Variants in USP49 observed in about 807,000 individuals in gnomAD.
USP49 encodes the protein ubiquitin specific peptidase 49.
Under a neutral mutation model 58.6 loss-of-function variants are expected in USP49, and 24 were observed. The observed-to-expected ratio is 0.41, with a 90% CI of 0.30 to 0.58. The LOEUF (loss-of-function observed/expected upper bound fraction) is 0.58. Among genes scored for constraint, USP49 ranks in the 20% least tolerant of loss-of-function variants. The pLI, the probability that USP49 is intolerant of heterozygous loss-of-function variation, is 0.30. For synonymous variants in USP49, 408 were observed against 365.1 expected, an observed-to-expected ratio of 1.12 and a Z score of -1.34; for missense variants, 703 against 866.1, an observed-to-expected ratio of 0.81 and a Z score of 2.36.
At chr6:41,801,134 A>C (rs1772989644) in intron 5 of USP49, among the ~76,000 whole-genome samples, 1 of 152,256 alleles carries the variant, frequency 6.6e-6, no homozygotes, top group African/African-American at 2.4e-5. Context: ...CAAATAAATA[A>C]TGGAAATAGA....
chr6:41,845,762 T>C (rs1413543650), intron 3 of USP49, among the ~76,000 whole-genome samples: 2 of 151,266 alleles, frequency 1.3e-5, no homozygotes, highest in Non-Finnish European at 3.0e-5. Context: ...ATTTTTTTTT[T>C]CCAGAACTAC....
intron 3 of USP49, among the ~76,000 whole-genome samples, chr6:41,837,821 A>C (rs938584830): frequency 3.9e-5 from 6 of 152,270 alleles, no homozygotes; most frequent in Non-Finnish European, 7.3e-5. Flanking sequence ...TTTCAAAAGA[A>C]GACATATGGT....
chr6:41,844,091 T>C (rs1426552455), intron 3 of USP49, among the ~76,000 whole-genome samples: 2 of 151,592 alleles, frequency 1.3e-5, no homozygotes, highest in East Asian at 3.9e-4. Context: ...CATGGTGGTG[T>C]GCCCATGTAG....
intron 3 of USP49, among the ~76,000 whole-genome samples, chr6:41,866,172 G>A (rs975355173): frequency 2.0e-5 from 3 of 151,620 alleles, no homozygotes; most frequent in Non-Finnish European, 2.9e-5. Context: ...CGCCCACCTC[G>A]GCCTCCCAAA....
chr6:41,802,484 T>A (rs1214330535), intron 5 of USP49, among the ~76,000 whole-genome samples: 5 of 132,642 alleles, frequency 3.8e-5, no homozygotes, highest in South Asian at 5.0e-4. Context: ...TATTTATTTT[T>A]TTTTTTTGAG....
chr6:41,834,712 G>A (rs970548992), intron 3 of USP49, among the ~76,000 whole-genome samples: 2 of 152,094 alleles, frequency 1.3e-5, no homozygotes, highest in Admixed American at 6.5e-5. Context: ...TTCACCTTCC[G>A]CCATGATTGT....
rs551285476 is a variant in USP49, at chr6:41,799,233, G to C, written c.1671-304C>G. On this transcript the variant is annotated intron_variant, in intron 6 of 7. Transcript: ENST00000682992. ...TGATCCCCCCACCTCAGCCTCCCGA[G>C]TAGGTGGGACTATAGGTGCACACCA... Among the ~76,000 whole-genome samples, 10 of 152,198 alleles carry C rather than the reference G, an allele frequency of 6.6e-5. No individual in the cohort carries two copies. In the South Asian group the frequency reaches 2.1e-3, roughly 32 times the overall value.
At chr6:41,843,336 T>C (rs1295477699) in intron 3 of USP49, among the ~76,000 whole-genome samples, 8 of 152,256 alleles carry the variant, frequency 5.3e-5, no homozygotes, top group African/African-American at 1.9e-4. Context: ...TACGGAGTTA[T>C]AATTTGTTTT....
Position 41,868,962 on chromosome 6 carries a change from C to T in USP49, c.-29+2602G>A, listed in dbSNP as rs546440872. ...TATTTTTAGTAGAGATGGGGTTTCA[C>T]CATATTGATCAGGCTGGTCTTGAAC... is the stretch of plus-strand genomic sequence containing the variant. On this transcript the variant is annotated intron_variant, in intron 3 of 7. Coordinates refer to ENST00000682992, the MANE Select transcript of USP49 (RefSeq NM_001286554.2). The T allele has an allele frequency of 1.1e-4, 16 of 151,960 alleles. 1 individual carries two copies. Among genetic ancestry groups the T allele is most frequent in the African/African-American group, 3.9e-4 (16 of 41,402 alleles). 9.4% of individuals were successfully genotyped at this position (151,960 alleles called of 1,614,324 possible).
At chr6:41,887,427 C>T (rs921118706) in intron 2 of USP49, 3 of 152,152 alleles carry the variant, frequency 2.0e-5, no homozygotes, top group African/African-American at 7.2e-5. Flanking sequence ...GCCAGACTGC[C>T]GTGCTAATCC....
chr6:41,815,511 A>G (rs9471669), intron 3 of USP49, among the ~76,000 whole-genome samples: 114,224 of 151,864 alleles, frequency 0.75, 43,165 homozygotes, highest in East Asian at 0.82. Context: ...AGTGGGTGGG[A>G]GAAGAGATTG....
chr6:41,846,769 AC>A (rs5875775), intron 3 of USP49, among the ~76,000 whole-genome samples: 1 of 151,192 alleles, frequency 6.6e-6, no homozygotes, highest in Non-Finnish European at 1.5e-5. Flanking sequence ...GTTGGAGGAA[AC>A]CCCCCCCATA....
In USP49 at chr6:41,856,530, G is replaced by A. The variant is rs957888384; in HGVS notation, c.-29+15034C>T. Among the ~76,000 whole-genome samples the A allele has an allele frequency of 2.0e-5, 3 of 152,122 alleles. 1 individual carries two copies. The highest frequency in any genetic ancestry group is 1.3e-4 in the Admixed American group (2 of 15,258). ...GCAGAATTTGCAGAAGAAACACTCC[G>A]AAGACAAGCTAACATGCAACTTCAA... On this transcript the variant is annotated intron_variant, in intron 3 of 7. Transcript: ENST00000682992.
chr6:41,871,772 G>T, intron 2 of USP49, 135 bp from the exon 3 acceptor site: 1 of 123,156 alleles, frequency 8.1e-6, no homozygotes, highest in East Asian at 2.3e-4. Context: ...CCTTAAAACT[G>T]ATGTAAGAGT....
Position 41,862,121 on chromosome 6 carries a change from A to C in USP49, c.-29+9443T>G, listed in dbSNP as rs563403415. On this transcript the variant is annotated intron_variant, in intron 3 of 7. Coordinates refer to ENST00000682992, the MANE Select transcript of USP49 (RefSeq NM_001286554.2). ...GGTGTTTCATTATTATAAACAATAC[A>C]CCACAGATATGGTTGGGTATCTATC... Among the ~76,000 whole-genome samples the C allele has an allele frequency of 5.4e-4, 82 of 152,344 alleles. 1 individual carries two copies. In the Middle Eastern group the frequency reaches 0.024, roughly 44 times the overall value.
Position 41,791,321 on chromosome 6 carries a change from G to A in USP49, c.*5212C>T, listed in dbSNP as rs999766067. ...AAAGATTTCAAATCTATGTTTCCCA[G>A]GCTGGTCTTGAGCTCCTGGCCTCAA... On this transcript the variant is annotated 3_prime_UTR_variant, in exon 8 of 8. Transcript: ENST00000682992. 1 of 152,118 alleles carries A rather than the reference G, an allele frequency of 6.6e-6. No homozygotes were observed. The highest frequency in any genetic ancestry group is 1.5e-5 in the Non-Finnish European group (1 of 68,018). 9.4% of individuals were successfully genotyped at this position (152,118 alleles called of 1,614,324 possible).
At chr6:41,816,878 G>A (rs915471836) in intron 3 of USP49, among the ~76,000 whole-genome samples, 1 of 148,904 alleles carries the variant, frequency 6.7e-6, no homozygotes, top group Non-Finnish European at 1.5e-5. Context: ...CTAATTTTTT[G>A]TATTTTTGGT....
In USP49 at chr6:41,818,240, C is replaced by T. The variant is rs181127901; in HGVS notation, c.-28-11229G>A. 2.3e-3 allele frequency among the ~76,000 whole-genome samples: 352 copies of T among 152,190 alleles called. 4 individuals carry two copies. Among genetic ancestry groups the T allele is most frequent in the Admixed American group, 1.6e-3 (24 of 15,292 alleles). On this transcript the variant is annotated intron_variant, in intron 3 of 7. Transcript: ENST00000682992. ...TGCTATAAGAGTTCTGTACCTAAAA[C>T]CTAACCCCTTTTCCAGGAGGATAGC...
At chr6:41,879,869 C>G (rs145853611) in intron 2 of USP49, among the ~76,000 whole-genome samples, 176 of 152,278 alleles carry the variant, frequency 1.2e-3, no homozygotes, top group African/African-American at 3.9e-3. Context: ...GTGTCCTCTC[C>G]AAGAATAAAC....
Sources: gnomAD v4.1 joint callset for allele counts (sites outside exome capture counted in the v4.1 genomes callset) on GRCh38, gnomAD v4.1.1 for gene constraint, MANE v1.5 for transcripts, NCBI Gene and HGNC (gene_info 2026-07-23, HGNC 2026-07-21) for gene names.